The following PWWP2B variants were observed in gnomAD, a reference collection of about 807,000 sequenced individuals.
The protein encoded by PWWP2B is PWWP domain containing 2B, also known as PWWP domain-containing protein 2B.
PWWP2B carries 9 observed loss-of-function variants against 15.5 expected under a neutral mutation model. That is an observed-to-expected ratio of 0.58 (90% confidence interval 0.35 to 1.02). PWWP2B has a LOEUF of 1.02. Among genes scored for constraint, PWWP2B ranks in the 50% least tolerant of loss-of-function variants. The pLI is 0.02. For missense variants in PWWP2B, 864 were observed against 865.3 expected, an observed-to-expected ratio of 1.00 and a Z score of 0.02; for synonymous variants, 474 against 403.6, an observed-to-expected ratio of 1.17 and a Z score of -2.09.
chr10:132,415,300 T>A (rs2069831159), intron 2 of PWWP2B, among the ~76,000 whole-genome samples: 1 of 125,130 alleles, frequency 8.0e-6, no homozygotes, highest in South Asian at 2.7e-4. Flanking sequence ...ACATATCCAC[T>A]CACACTCACA....
rs1311585934 is a variant in PWWP2B, at chr10:132,405,589, C to T, written c.1089C>T (p.Asp363=). 6.2e-7 allele frequency: 1 copy of T among 1,610,168 alleles called. No individual in the cohort carries two copies. The highest frequency in any genetic ancestry group is 1.1e-5 in the South Asian group (1 of 91,056). ...LVGELNGYLR[D]SSPAPCADGP... is the part of the protein sequence containing the mutation. Reference sequence around the variant, plus strand: ...GGGAGCTGAACGGGTACCTGCGGGACAGCTCGCCGGCGCCCTGTGCGGACG... The same window carrying T: ...GGGAGCTGAACGGGTACCTGCGGGATAGCTCGCCGGCGCCCTGTGCGGACG... The change falls in exon 2 of 3, where the codon GAC becomes GAT. Residue 363 remains aspartate (D), a synonymous_variant. Coordinates refer to ENST00000305233, the MANE Select transcript of PWWP2B (RefSeq NM_138499.4).
rs2069876381 is a variant in PWWP2B at position 132,417,434 on chromosome 10, G to T, written c.*390G>T. 1 of 340,812 alleles carries T rather than the reference G, an allele frequency of 2.9e-6. No homozygotes were observed. Among genetic ancestry groups the T allele is most frequent in the Admixed American group, 4.8e-5 (1 of 20,778 alleles). 21.1% of individuals were successfully genotyped at this position (340,812 alleles called of 1,614,324 possible). A position where few individuals can be genotyped will look rare whatever the true frequency, so the allele number is the denominator to read the frequency against. On this transcript the variant is annotated 3_prime_UTR_variant, in exon 3 of 3. Transcript: ENST00000305233. The stretch of plus-strand genomic sequence containing the variant: ...GTCCCATGGAGGAACCAGGCCTGGC[G>T]CCCCGGCCTCGCCCAGCGGCTGGTG...
At chr10:132,411,204 G>A (rs1002222150) in intron 2 of PWWP2B, among the ~76,000 whole-genome samples, 1 of 152,210 alleles carries the variant, frequency 6.6e-6, no homozygotes, top group Admixed American at 6.5e-5. Context: ...ACAGACCTGG[G>A]GGTCCAGGCT....
At chr10:132,406,671 G>A (rs34487453) in intron 2 of PWWP2B, among the ~76,000 whole-genome samples, 32,696 of 152,154 alleles carry the variant, frequency 0.21, 3,696 homozygotes, top group African/African-American at 0.23. Context: ...CCTGTCTTGC[G>A]TTACTCACTC....
chr10:132,408,994 A>C (rs1326830554), intron 2 of PWWP2B, among the ~76,000 whole-genome samples: 4 of 152,220 alleles, frequency 2.6e-5, no homozygotes, highest in Admixed American at 6.5e-5. Context: ...TGAGGTCCTG[A>C]TGGAGGTGCG....
chr10:132,399,141 C>T (rs747371765), intron 1 of PWWP2B, among the ~76,000 whole-genome samples: 13 of 152,260 alleles, frequency 8.5e-5, no homozygotes, highest in African/African-American at 1.7e-4. Flanking sequence ...AGCCCTGCCT[C>T]GGACCGCAGG....
chr10:132,398,260 A>G (rs1304918860), intron 1 of PWWP2B, among the ~76,000 whole-genome samples: 3 of 152,222 alleles, frequency 2.0e-5, no homozygotes, highest in Non-Finnish European at 4.4e-5. Context: ...TTCCACAATT[A>G]TTTCGCAGAC....
In PWWP2B at chr10:132,406,080, A is replaced by G; in HGVS notation, c.1580A>G (p.Lys527Arg). ...GGAGAGCCGTCTTGGCGAGAAGCGA[A>G]GGTCTCGTGGTTTGGTTCTCCGACT... Reference protein sequence around the residue: ...EDGEPSWREAKVSWFGSPTTS... With the variant: ...EDGEPSWREARVSWFGSPTTS... Residue 527 changes from lysine to arginine, a missense_variant, in exon 2 of 3, where the codon AAG becomes AGG. Lys to Arg is a conservative substitution (Grantham distance 26, BLOSUM62 2). Transcript: ENST00000305233. The G allele has an allele frequency of 6.2e-7, 1 of 1,613,616 alleles. No individual in the cohort carries two copies. Among genetic ancestry groups the G allele is most frequent in the Non-Finnish European group, 8.5e-7 (1 of 1,179,804 alleles).
intron 2 of PWWP2B, among the ~76,000 whole-genome samples, chr10:132,407,131 G>A (rs764691459): frequency 2.6e-5 from 4 of 152,144 alleles, no homozygotes; most frequent in Admixed American, 6.5e-5. Context: ...TGGGGCATCC[G>A]GAGCCTGCCG....
In PWWP2B at chr10:132,404,766, G is replaced by A. The variant is rs777645530; in HGVS notation, c.266G>A (p.Arg89His). The change falls in exon 2 of 3, where the codon CGC (arginine) becomes CAC (histidine). Residue 89 changes from arginine to histidine, a missense_variant. By Grantham distance (29) the Arg-to-His change is conservative. This residue lies in a region of PWWP2B where 736 missense variants were observed against 687.7 expected (regional missense o/e 1.07). Coordinates refer to ENST00000305233, the MANE Select transcript of PWWP2B (RefSeq NM_138499.4). The stretch of plus-strand genomic sequence containing the variant: ...GGGTCCAGCTCCCCCCCTCCTGCCC[G>A]CGGGGTTCAGCCCCCCGAGACCACC... Reference protein sequence around the residue: ...QLGSSSPPPARGVQPPETTRP... With the variant: ...QLGSSSPPPAHGVQPPETTRP... 22 of 1,566,676 alleles carry A rather than the reference G, an allele frequency of 1.4e-5. No homozygotes were observed. The Admixed American group carries it at 1.9e-4, about 13-fold the overall frequency.
Position 132,405,137 on chromosome 10 carries a change from C to T in PWWP2B, c.637C>T (p.Arg213Cys), listed in dbSNP as rs185688700. The change falls in exon 2 of 3, where the codon CGC (arginine) becomes TGC (cysteine). Residue 213 changes from arginine to cysteine, a missense_variant. By Grantham distance (180) the Arg-to-Cys change is radical (BLOSUM62 -3). This residue lies in a region of PWWP2B where 736 missense variants were observed against 687.7 expected (regional missense o/e 1.07). Transcript: ENST00000305233. ...RLGSGPDREL[R>C]KPEEPENGEP... is the part of the protein sequence containing the mutation. Reference sequence around the variant, plus strand: ...GGGCAGCGGCCCGGACAGGGAGCTCCGCAAGCCGGAGGAGCCGGAGAACGG... The same window carrying T: ...GGGCAGCGGCCCGGACAGGGAGCTCTGCAAGCCGGAGGAGCCGGAGAACGG... 1.8e-4 allele frequency: 276 copies of T among 1,544,264 alleles called. No homozygotes were observed. In the African/African-American group the frequency reaches 2.6e-3, roughly 15 times the overall value.
chr10:132,402,330 C>G (rs1349209805), intron 1 of PWWP2B, among the ~76,000 whole-genome samples: 1 of 152,250 alleles, frequency 6.6e-6, no homozygotes, highest in Admixed American at 6.5e-5. Flanking sequence ...CTGTCGTAGC[C>G]ACCGTCCTCT....
rs186102535 is a variant in PWWP2B at position 132,411,905 on chromosome 10, C to T, written c.*17-5156C>T. Among the ~76,000 whole-genome samples the T allele has an allele frequency of 1.9e-3, 296 of 152,366 alleles. 1 individual carries two copies. The highest frequency in any genetic ancestry group is 4.7e-3 in the Admixed American group (72 of 15,306). ...AAAAACGCTCTTCTGCTTCTGAGGA[C>T]GGGTTTCTCAGCTGACTTCCCTGCG... is the stretch of plus-strand genomic sequence containing the variant. On this transcript the variant is annotated intron_variant, in intron 2 of 2. Coordinates refer to ENST00000305233, the MANE Select transcript of PWWP2B (RefSeq NM_138499.4).
At chr10:132,414,770 G>A (rs977526216) in intron 2 of PWWP2B, among the ~76,000 whole-genome samples, 5 of 152,218 alleles carry the variant, frequency 3.3e-5, no homozygotes, top group African/African-American at 9.7e-5. Context: ...TCAGCTTCCC[G>A]CACAGAATCT....
chr10:132,413,826 G>A (rs959842335), intron 2 of PWWP2B, among the ~76,000 whole-genome samples: 1 of 152,260 alleles, frequency 6.6e-6, no homozygotes, highest in African/African-American at 2.4e-5. Flanking sequence ...GGGAGGGTGT[G>A]AGCCACCAGC....
At chr10:132,398,469 C>T (rs988193771) in intron 1 of PWWP2B, among the ~76,000 whole-genome samples, 2 of 152,228 alleles carry the variant, frequency 1.3e-5, no homozygotes, top group Admixed American at 6.5e-5. Context: ...CTTCCTCTGG[C>T]GGGCAGGGTT....
chr10:132,411,756 C>T (rs1564877337), intron 2 of PWWP2B, among the ~76,000 whole-genome samples: 2 of 152,244 alleles, frequency 1.3e-5, no homozygotes, highest in Non-Finnish European at 2.9e-5. Context: ...CTGGAGTCTC[C>T]GGGCCAGAAG....
At chr10:132,401,026 TC>T (rs1015069303) in intron 1 of PWWP2B, among the ~76,000 whole-genome samples, 1 of 152,216 alleles carries the variant, frequency 6.6e-6, no homozygotes, top group Non-Finnish European at 1.5e-5. Context: ...CCGGCCATGG[TC>T]CCGGGCAGAC....
chr10:132,416,246 G>A (rs1406268066), intron 2 of PWWP2B, among the ~76,000 whole-genome samples: 1 of 152,200 alleles, frequency 6.6e-6, no homozygotes, highest in Non-Finnish European at 1.5e-5. Flanking sequence ...CCTGACAGGA[G>A]GAGTGGCGGG....
Sources: allele counts gnomAD v4.1 joint callset (sites outside exome capture counted in the v4.1 genomes callset), GRCh38; gene constraint gnomAD v4.1.1; regional missense constraint gnomAD v4.1.1; transcripts MANE v1.5; gene names NCBI Gene and HGNC (gene_info 2026-07-23, HGNC 2026-07-21).